COBL: variants seen among roughly 807,000 people sequenced by gnomAD.
COBL encodes cordon-bleu WH2 repeat protein, also known as protein cordon-bleu.
COBL carries 51 observed loss-of-function variants against 98.8 expected under a neutral mutation model. That is an observed-to-expected ratio of 0.52 (90% CI 0.41 to 0.65). The LOEUF (loss-of-function observed/expected upper bound fraction) is 0.65. Among genes scored for constraint, COBL ranks in the 30% least tolerant of loss-of-function variants. The pLI is 0.00. For synonymous variants in COBL, 634 were observed against 651.7 expected, an observed-to-expected ratio of 0.97 and a Z score of 0.41; for missense variants, 1,617 against 1,617.5, an observed-to-expected ratio of 1.00 and a Z score of 0.01.
chr7:51,188,115 C>T (rs967506781), intron 4 of COBL, among the ~76,000 whole-genome samples: 1 of 152,260 alleles, frequency 6.6e-6, no homozygotes, highest in Non-Finnish European at 1.5e-5. Flanking sequence ...TGGGCTGGCC[C>T]TCTCAGGGCC....
At chr7:51,105,919 T>A (rs551890159) in intron 6 of COBL, among the ~76,000 whole-genome samples, 11 of 152,042 alleles carry the variant, frequency 7.2e-5, no homozygotes, top group African/African-American at 2.7e-4. Context: ...TGGGAGCACC[T>A]GGCACCTTGC....
chr7:51,276,148 G>A (rs2009629), intron 1 of COBL, among the ~76,000 whole-genome samples: 83,536 of 151,988 alleles, frequency 0.55, 23,359 homozygotes, highest in African/African-American at 0.65. Context: ...ATTCTAAGGA[G>A]CCCATTTTAA....
chr7:51,223,874 C>A (rs932537361), intron 1 of COBL, among the ~76,000 whole-genome samples: 1 of 152,188 alleles, frequency 6.6e-6, no homozygotes, highest in Non-Finnish European at 1.5e-5. Context: ...TAGAAGGCAG[C>A]AAGGACATTT....
chr7:51,185,169 C>A (rs989203783), intron 4 of COBL, among the ~76,000 whole-genome samples: 3 of 152,206 alleles, frequency 2.0e-5, no homozygotes, highest in Non-Finnish European at 4.4e-5. Context: ...TGTCAGCTGA[C>A]AAGACAGCCA....
chr7:51,192,980 A>G (rs181623461), intron 3 of COBL, among the ~76,000 whole-genome samples: 286 of 152,330 alleles, frequency 1.9e-3, no homozygotes, highest in Non-Finnish European at 2.9e-3. Context: ...TAAAATGAAA[A>G]AAGAAAAATC....
intron 1 of COBL, among the ~76,000 whole-genome samples, chr7:51,287,127 G>T (rs1800440479): frequency 6.6e-6 from 1 of 152,106 alleles, no homozygotes; most frequent in Non-Finnish European, 1.5e-5. Flanking sequence ...GGAAAGGAGA[G>T]GAGCATGGGT....
intron 6 of COBL, among the ~76,000 whole-genome samples, chr7:51,108,611 A>G (rs1353907761): frequency 6.6e-6 from 1 of 152,146 alleles, no homozygotes; most frequent in East Asian, 1.9e-4. Context: ...AATTCCAAAC[A>G]TGTATTCCCA....
At chr7:51,178,898 T>G (rs1275582034) in intron 5 of COBL, among the ~76,000 whole-genome samples, 2 of 152,100 alleles carry the variant, frequency 1.3e-5, no homozygotes, top group East Asian at 3.9e-4. Context: ...CATGACCTAC[T>G]GTGCCCAGCC....
intron 8 of COBL, among the ~76,000 whole-genome samples, chr7:51,036,648 C>A (rs1039165392): frequency 6.6e-6 from 1 of 152,104 alleles, no homozygotes; most frequent in African/African-American, 2.4e-5. Context: ...CAGCCATCAT[C>A]CCCAGCAGGC....
At chr7:51,108,114 C>G (rs1487227141) in intron 6 of COBL, among the ~76,000 whole-genome samples, 1 of 152,198 alleles carries the variant, frequency 6.6e-6, no homozygotes, top group African/African-American at 2.4e-5. Context: ...ACGCTTCCAG[C>G]CTCCAGCACT....
At chr7:51,237,933 C>T (rs1226010379) in intron 1 of COBL, among the ~76,000 whole-genome samples, 1 of 152,218 alleles carries the variant, frequency 6.6e-6, no homozygotes, top group Non-Finnish European at 1.5e-5. Flanking sequence ...CAGGAAGTAA[C>T]TGCTGATGTC....
intron 1 of COBL, among the ~76,000 whole-genome samples, chr7:51,222,715 G>A (rs1338598012): frequency 1.5e-5 from 2 of 129,568 alleles, no homozygotes; most frequent in African/African-American, 2.6e-5. Flanking sequence ...GGTGTTTTCA[G>A]GGGAAAAAAA....
chr7:51,090,581 C>T lies in COBL; in HGVS notation c.958-5277G>A, dbSNP rs865821892. Among the ~76,000 whole-genome samples, 6 of 152,178 alleles carry T rather than the reference C, an allele frequency of 3.9e-5. No individual in the cohort carries two copies. In the South Asian group the frequency reaches 6.2e-4, roughly 16 times the overall value. ...TGGGAAACTGGCACACTTTGAATGC[C>T]TGGGAGCTACTGAGAAAAAAGGAGC... On this transcript the variant is annotated intron_variant, in intron 6 of 12. Coordinates refer to ENST00000265136, the MANE Select transcript of COBL (RefSeq NM_015198.5).
At chr7:51,168,160 T>A (rs1787505456) in intron 5 of COBL, among the ~76,000 whole-genome samples, 1 of 152,244 alleles carries the variant, frequency 6.6e-6, no homozygotes, top group African/African-American at 2.4e-5. Context: ...TGCAAACTAC[T>A]CATCTGACAA....
chr7:51,146,122 G>A (rs756197178), intron 5 of COBL, among the ~76,000 whole-genome samples: 1 of 152,180 alleles, frequency 6.6e-6, no homozygotes, highest in Non-Finnish European at 1.5e-5. Context: ...CATGCAAGGT[G>A]CCAGCCTCTG....
intron 1 of COBL, among the ~76,000 whole-genome samples, chr7:51,315,064 A>C (rs980498544): frequency 6.6e-6 from 1 of 152,170 alleles, no homozygotes; most frequent in African/African-American, 2.4e-5. Flanking sequence ...GGTGATAGTG[A>C]CAAAATAATT....
intron 7 of COBL, among the ~76,000 whole-genome samples, chr7:51,047,117 G>T (rs1789786599): frequency 6.6e-6 from 1 of 152,148 alleles, no homozygotes; most frequent in Non-Finnish European, 1.5e-5. Flanking sequence ...TTAATGCACT[G>T]GCAACTTTGC....
At chr7:51,040,950 C>T (rs752021784) in intron 8 of COBL, among the ~76,000 whole-genome samples, 4 of 152,216 alleles carry the variant, frequency 2.6e-5, no homozygotes, top group South Asian at 2.1e-4. Context: ...TGCAGAGTAA[C>T]GCATGTCTGA....
chr7:51,218,622 C>T (rs1455367718), intron 2 of COBL, among the ~76,000 whole-genome samples: 3 of 152,162 alleles, frequency 2.0e-5, no homozygotes, highest in South Asian at 2.1e-4. Context: ...TACAGGCATG[C>T]ACCTCTATGC....
Sources: gnomAD v4.1 joint callset for allele counts (sites outside exome capture counted in the v4.1 genomes callset) on GRCh38, gnomAD v4.1.1 for gene constraint, MANE v1.5 for transcripts, NCBI Gene and HGNC (gene_info 2026-07-23, HGNC 2026-07-21) for gene names.